The following PCMTD1 variants were observed in gnomAD, a reference collection of about 807,000 sequenced individuals.
PCMTD1 encodes the protein protein-L-isoaspartate (D-aspartate) O-methyltransferase domain containing 1.
PCMTD1 carries 12 observed loss-of-function variants against 37.6 expected under a neutral mutation model. The ratio of observed to expected loss-of-function variants is 0.32; its 90% confidence interval spans 0.20 to 0.52. PCMTD1 has a LOEUF of 0.52. PCMTD1 is among the 20% of genes least tolerant of loss of function. PCMTD1 has a pLI of 0.97. For synonymous variants in PCMTD1, 117 were observed against 135.8 expected, an observed-to-expected ratio of 0.86 and a Z score of 0.96; for missense variants, 235 against 421.3, an observed-to-expected ratio of 0.56 and a Z score of 3.87.
chr8:51,854,784 G>A (rs561148913), intron 2 of PCMTD1, among the ~76,000 whole-genome samples: 1 of 151,754 alleles, frequency 6.6e-6, no homozygotes, highest in East Asian at 1.9e-4. Flanking sequence ...GGATGAGGTA[G>A]GAGAATTGCT....
chr8:51,855,368 C>CA (rs753723719), intron 2 of PCMTD1, among the ~76,000 whole-genome samples: 620 of 129,730 alleles, frequency 4.8e-3, no homozygotes, highest in Middle Eastern at 8.7e-3. Flanking sequence ...TCTTTAATAC[C>CA]AAAAAAAAAA....
chr8:51,850,076 A>C, intron 2 of PCMTD1: 1 of 702,436 alleles, frequency 1.4e-6, no homozygotes, highest in Middle Eastern at 2.3e-4. Context: ...GAGGACTCTG[A>C]GGTCAAAATA....
At chr8:51,887,007 T>C (rs1333735196) in intron 1 of PCMTD1, among the ~76,000 whole-genome samples, 2 of 152,024 alleles carry the variant, frequency 1.3e-5, no homozygotes, top group African/African-American at 4.8e-5. Context: ...TTCTTCCATC[T>C]GCAAAGCAAG....
intron 1 of PCMTD1, among the ~76,000 whole-genome samples, chr8:51,871,574 A>T (rs2038639352): frequency 6.6e-6 from 1 of 152,200 alleles, no homozygotes. Context: ...AATTTAGCAA[A>T]AATTGTCTTG....
rs150360323 is a variant in PCMTD1 at position 51,847,542 on chromosome 8, G to A, written c.308-1779C>T. ...CTTGGGAGGCTGAGGCTTGAGAATT[G>A]CTTCAACTCAGGAGACGGAGGTTGC... On this transcript the variant is annotated intron_variant, in intron 2 of 5. Transcript: ENST00000522514. Among the ~76,000 whole-genome samples the A allele has an allele frequency of 2.7e-3, 404 of 152,182 alleles. 1 individual carries two copies. The highest frequency in any genetic ancestry group is 9.2e-3 in the African/African-American group (380 of 41,530).
chr8:51,846,236 C>T (rs1429653473), intron 2 of PCMTD1, among the ~76,000 whole-genome samples: 1 of 152,196 alleles, frequency 6.6e-6, no homozygotes, highest in East Asian at 1.9e-4. Flanking sequence ...CACTCCATGC[C>T]TTTTGGAGCT....
At chr8:51,866,039 AT>A (rs1430287947) in intron 1 of PCMTD1, among the ~76,000 whole-genome samples, 1 of 151,944 alleles carries the variant, frequency 6.6e-6, no homozygotes, top group Non-Finnish European at 1.5e-5. Flanking sequence ...TGAAAAAATA[AT>A]TAAGAAATCA....
At chr8:51,827,465 A>T (rs2037937377) in intron 5 of PCMTD1, 1 of 361,326 alleles carries the variant, frequency 2.8e-6, no homozygotes. Flanking sequence ...CCTGCCTGGG[A>T]TGTGAATCAC....
rs545274529 is a variant in PCMTD1, at chr8:51,853,059, G to C, written c.308-7296C>G. Among the ~76,000 whole-genome samples, 3 of 152,328 alleles carry C rather than the reference G, an allele frequency of 2.0e-5. No individual in the cohort carries two copies. In the South Asian group the frequency reaches 6.2e-4, roughly 32 times the overall value. On this transcript the variant is annotated intron_variant, in intron 2 of 5. Transcript: ENST00000522514. ...GGAGGCAGAAATCTATGAATCCTTT[G>C]CATGTGGATGTTACTTGAAGAAAGA...
intron 4 of PCMTD1, among the ~76,000 whole-genome samples, chr8:51,832,919 C>A (rs2038017010): frequency 6.6e-6 from 1 of 152,200 alleles, no homozygotes; most frequent in Non-Finnish European, 1.5e-5. Flanking sequence ...AATCATGGCA[C>A]ACTGCAGCCT....
chr8:51,883,439 A>G (rs545694576), intron 1 of PCMTD1, among the ~76,000 whole-genome samples: 68 of 152,206 alleles, frequency 4.5e-4, no homozygotes, highest in Non-Finnish European at 8.4e-4. Flanking sequence ...ATATATAGAT[A>G]ATAATAGAGG....
chr8:51,820,294 T>C lies in PCMTD1; in HGVS notation c.*57A>G. On this transcript the variant is annotated 3_prime_UTR_variant, in exon 6 of 6. Transcript: ENST00000522514. ...ATTCTCTCTTTTAACTCCTAACAAATGCTACATTTTCAAGACTAAAGGAAT... is the reference window on the plus strand; with the variant it reads ...ATTCTCTCTTTTAACTCCTAACAAACGCTACATTTTCAAGACTAAAGGAAT... The C allele has an allele frequency of 2.1e-6, 3 of 1,429,712 alleles. No individual in the cohort carries two copies. The allele number at this position is 1,429,712 out of a possible 1,614,324, so 88.6% of individuals were successfully genotyped here.
At chr8:51,840,630 TAA>T (rs1205541021) in intron 3 of PCMTD1, among the ~76,000 whole-genome samples, 3 of 152,052 alleles carry the variant, frequency 2.0e-5, no homozygotes, top group Non-Finnish European at 4.4e-5. Flanking sequence ...ATGAAGTGAA[TAA>T]AAGATGACAG....
chr8:51,853,274 C>T (rs940327457), intron 2 of PCMTD1, among the ~76,000 whole-genome samples: 5 of 152,140 alleles, frequency 3.3e-5, no homozygotes, highest in Admixed American at 2.0e-4. Context: ...AGGTTCCAGA[C>T]GAGACCAAGA....
rs1448784597 is a variant in PCMTD1, at chr8:51,833,640, C to G, written c.460G>C (p.Ala154Pro). 3 of 1,611,982 alleles carry G rather than the reference C, an allele frequency of 1.9e-6. No individual in the cohort carries two copies. The highest frequency in any genetic ancestry group is 8.5e-7 in the Non-Finnish European group (1 of 1,179,614). Residue 154 changes from alanine to proline, a missense_variant, in exon 4 of 6, where the codon GCT becomes CCT. Coordinates refer to ENST00000522514, the MANE Select transcript of PCMTD1 (RefSeq NM_052937.4). The stretch of plus-strand genomic sequence containing the variant: ...CGATCATACTGATGACTGTCAGAAG[C>G]TATCTGGAGGCAATTACCAACAACA... Reference protein sequence around the residue: ...AFVVGNCLQIASDSHQYDRIY... With the variant: ...AFVVGNCLQIPSDSHQYDRIY...
chr8:51,899,145 CG>C, upstream of PCMTD1: 1 of 1,355,518 alleles, frequency 7.4e-7, no homozygotes, highest in Non-Finnish European at 9.5e-7. Flanking sequence ...GGCAGCTCCC[CG>C]CGGACGCCAA....
chr8:51,830,942 T>C (rs2037988529), intron 5 of PCMTD1, among the ~76,000 whole-genome samples: 1 of 151,956 alleles, frequency 6.6e-6, no homozygotes. Context: ...CTTCTTCTTA[T>C]GTTTCCATGA....
At chr8:51,836,963 G>GT (rs1309749696) in intron 3 of PCMTD1, among the ~76,000 whole-genome samples, 2 of 152,246 alleles carry the variant, frequency 1.3e-5, no homozygotes, top group East Asian at 3.9e-4. Flanking sequence ...ACAGAATACA[G>GT]TTTTTTCCCA....
At chr8:51,864,420 T>C (rs775421695) in intron 1 of PCMTD1, among the ~76,000 whole-genome samples, 1 of 152,210 alleles carries the variant, frequency 6.6e-6, no homozygotes, top group Non-Finnish European at 1.5e-5. Flanking sequence ...TAGAACATTC[T>C]ATCCAACAGC....
Sources: gnomAD v4.1 joint callset for allele counts (sites outside exome capture counted in the v4.1 genomes callset) on GRCh38, gnomAD v4.1.1 for gene constraint, MANE v1.5 for transcripts, NCBI Gene and HGNC (gene_info 2026-07-23, HGNC 2026-07-21) for gene names.